GRHL2: variants seen among roughly 807,000 people sequenced by gnomAD.
GRHL2 encodes grainyhead like transcription factor 2, also known as grainyhead-like protein 2 homolog.
In GRHL2, 21 loss-of-function variants were observed where a neutral mutation model predicts 83.8. The observed-to-expected ratio is 0.25, with a 90% CI of 0.18 to 0.36. GRHL2 has a LOEUF of 0.36. Ranked by LOEUF, GRHL2 falls within the 10% of genes least tolerant of loss-of-function variation. The pLI is 1.00. For missense variants in GRHL2, 623 were observed against 781.8 expected (o/e 0.80, Z 2.42); for synonymous variants, 280 against 278.9 (o/e 1.00, Z -0.04).
At position 101,529,128 on chromosome 8, in the gene GRHL2, C is replaced by G. The variant is rs988292905; in HGVS notation, c.21-14113C>G. 8 of 346,684 alleles carry G rather than the reference C, an allele frequency of 2.3e-5. 1 individual carries two copies. The highest frequency in any genetic ancestry group is 1.9e-4 in the South Asian group (8 of 42,076). 21.5% of individuals were successfully genotyped at this position (346,684 alleles called of 1,614,324 possible). ...TTTGTTTCTTCTTCCTCTGTTTCAT[C>G]TCCCAGTACATCTTCATTTGCCTCT... is the stretch of plus-strand genomic sequence containing the variant. On this transcript the variant is annotated intron_variant, in intron 1 of 15. Transcript: ENST00000646743.
chr8:101,674,795 T>C, the GRHL2 span, among the ~76,000 whole-genome samples: 2 of 152,092 alleles, frequency 1.3e-5, no homozygotes, highest in African/African-American at 2.4e-5. Context: ...TGAACATTGA[T>C]GCAAAAATCC....
rs931265779 is a variant in GRHL2 at position 101,601,755 on chromosome 8, A to T, written c.1098+2604A>T. On this transcript the variant is annotated intron_variant, in intron 8 of 15. Transcript: ENST00000646743. ...TTTGGGTTAATCAATAAGTAATGAA[A>T]AAAGTTCCAAATATTTTTCTCCAGA... is the stretch of plus-strand genomic sequence containing the variant. 1.1e-4 allele frequency among the ~76,000 whole-genome samples: 16 copies of T among 152,348 alleles called. No homozygotes were observed. The South Asian group carries it at 3.1e-3, about 30-fold the overall frequency.
chr8:101,512,055 A>G (rs181152921), intron 1 of GRHL2, among the ~76,000 whole-genome samples: 1 of 152,252 alleles, frequency 6.6e-6, no homozygotes, highest in East Asian at 1.9e-4. Context: ...ATGCCTATGA[A>G]GCAACTATTT....
intron 8 of GRHL2, among the ~76,000 whole-genome samples, chr8:101,617,417 G>T (rs1321336186): frequency 6.6e-6 from 1 of 152,146 alleles, no homozygotes; most frequent in Non-Finnish European, 1.5e-5. Flanking sequence ...CAAATGAGAT[G>T]CCTGGATTGC....
chr8:101,675,500 A>C, the GRHL2 span, among the ~76,000 whole-genome samples: 1 of 152,020 alleles, frequency 6.6e-6, no homozygotes, highest in African/African-American at 2.4e-5. Context: ...TCCAACTTAC[A>C]AGGGATGTGA....
intron 8 of GRHL2, among the ~76,000 whole-genome samples, chr8:101,616,156 C>A (rs190991015): frequency 3.1e-4 from 44 of 139,748 alleles, no homozygotes; most frequent in South Asian, 7.2e-4. Context: ...TCTCTCTCTT[C>A]TTCCTTCCTT....
At chr8:101,636,664 AAATCTAGGAATT>A (rs1452547302) in intron 11 of GRHL2, 1 of 544,778 alleles carries the variant, frequency 1.8e-6, no homozygotes, top group Non-Finnish European at 3.3e-6. Flanking sequence ...TATTTTATTA[AAATCTAGGAATT>A]AACCCCATGG....
intron 1 of GRHL2, among the ~76,000 whole-genome samples, chr8:101,496,911 G>A (rs1331813851): frequency 6.6e-6 from 1 of 152,150 alleles, no homozygotes; most frequent in Non-Finnish European, 1.5e-5. Context: ...ATCAGAGTCA[G>A]AGATAACGGC....
At position 101,661,587 on chromosome 8, in the gene GRHL2, A is replaced by G. The variant is rs149096426; in HGVS notation, c.1699-2867A>G. On this transcript the variant is annotated intron_variant, in intron 14 of 15. Transcript: ENST00000646743. The stretch of plus-strand genomic sequence containing the variant: ...TTGTTATACTGTATTGTTTTGATTC[A>G]TATTACTTTTTGCCATTGTACTTTT... Among the ~76,000 whole-genome samples, 270 of 152,294 alleles carry G rather than the reference A, an allele frequency of 1.8e-3. 2 individuals are homozygous for G. The Middle Eastern group carries it at 0.027, about 15-fold the overall frequency.
intron 2 of GRHL2, among the ~76,000 whole-genome samples, chr8:101,552,076 C>G (rs572719417): frequency 2.6e-5 from 4 of 152,146 alleles, no homozygotes; most frequent in African/African-American, 9.6e-5. Flanking sequence ...ACCTCGTGAT[C>G]CGCCCGCCTT....
chr8:101,518,664 A>G (rs927604470), intron 1 of GRHL2, among the ~76,000 whole-genome samples: 2 of 152,204 alleles, frequency 1.3e-5, no homozygotes, highest in African/African-American at 2.4e-5. Context: ...TCCCTTCAAC[A>G]GAACGATTCA....
At chr8:101,641,777 TG>T (rs1471843310) in intron 12 of GRHL2, among the ~76,000 whole-genome samples, 1 of 152,150 alleles carries the variant, frequency 6.6e-6, no homozygotes, top group Non-Finnish European at 1.5e-5. Context: ...TCAGTATCTG[TG>T]GAAGATTGGC....
At chr8:101,590,338 A>G (rs531017942) in intron 7 of GRHL2, among the ~76,000 whole-genome samples, 4 of 152,318 alleles carry the variant, frequency 2.6e-5, no homozygotes, top group African/African-American at 4.8e-5. Context: ...CTCAGAATCT[A>G]CTTGGACTAG....
chr8:101,674,827 G>A, the GRHL2 span, among the ~76,000 whole-genome samples: 1 of 151,972 alleles, frequency 6.6e-6, no homozygotes, highest in Non-Finnish European at 1.5e-5. Context: ...CTGGCAAAAC[G>A]AATCCAGCAG....
intron 14 of GRHL2, among the ~76,000 whole-genome samples, chr8:101,660,241 C>T (rs989070063): frequency 4.8e-5 from 7 of 144,552 alleles, no homozygotes; most frequent in Non-Finnish European, 7.4e-5. Context: ...GTAGCTTCTC[C>T]GTCAATAGTG....
At chr8:101,601,191 C>A (rs1327577412) in intron 8 of GRHL2, among the ~76,000 whole-genome samples, 6 of 149,092 alleles carry the variant, frequency 4.0e-5, no homozygotes, top group East Asian at 2.1e-4. Flanking sequence ...CACACACACC[C>A]CACCACCACC....
At chr8:101,652,537 G>GTGTGTGGTGTTTGTGTGTGGT (rs1563627505) in intron 14 of GRHL2, among the ~76,000 whole-genome samples, 3 of 47,196 alleles carry the variant, frequency 6.4e-5, no homozygotes, top group African/African-American at 1.6e-4. Context: ...TGTGTGGTGT[G>GTGTGTGGTGTTTGTGTGTGGT]TGTGTGTGTG....
chr8:101,615,202 A>G (rs1812829722), intron 8 of GRHL2, among the ~76,000 whole-genome samples: 1 of 152,210 alleles, frequency 6.6e-6, no homozygotes, highest in African/African-American at 2.4e-5. Flanking sequence ...GAAAATTTAG[A>G]CTATGTATTA....
At chr8:101,663,246 C>T (rs1037381159) in intron 14 of GRHL2, among the ~76,000 whole-genome samples, 1 of 152,122 alleles carries the variant, frequency 6.6e-6, no homozygotes, top group Non-Finnish European at 1.5e-5. Context: ...CTGAGAGTAA[C>T]AATATGGAAT....
Sources: gnomAD v4.1 joint callset for allele counts (sites outside exome capture counted in the v4.1 genomes callset) on GRCh38, gnomAD v4.1.1 for gene constraint, MANE v1.5 for transcripts, NCBI Gene and HGNC (gene_info 2026-07-23, HGNC 2026-07-21) for gene names.